Variants in SDHB observed in about 807,000 individuals in gnomAD.
The protein encoded by SDHB is succinate dehydrogenase [ubiquinone] iron-sulfur subunit, mitochondrial.
In SDHB, 21 loss-of-function variants were observed where a neutral mutation model predicts 39.7. The ratio of observed to expected loss-of-function variants is 0.53; its 90% CI spans 0.37 to 0.76. The LOEUF (loss-of-function observed/expected upper bound fraction) is 0.76, where lower values mean the gene tolerates loss of function less well. Among genes scored for constraint, SDHB ranks in the 30% least tolerant of loss-of-function variants. The pLI is 0.00. For synonymous variants in SDHB, 118 were observed against 117.0 expected, an observed-to-expected ratio of 1.01 and a Z score of -0.06; for missense variants, 343 against 350.9, an observed-to-expected ratio of 0.98 and a Z score of 0.18.
At chr1:17,044,050 G>T (rs1431599041) in intron 2 of SDHB, among the ~76,000 whole-genome samples, 3 of 149,048 alleles carry the variant, frequency 2.0e-5, no homozygotes, top group Non-Finnish European at 4.5e-5. Flanking sequence ...GACAGAAATA[G>T]AAAACTAACA....
At chr1:17,025,184 T>C (rs1228652056) in intron 5 of SDHB, among the ~76,000 whole-genome samples, 1 of 152,220 alleles carries the variant, frequency 6.6e-6, no homozygotes, top group Non-Finnish European at 1.5e-5. Flanking sequence ...TTATGGCGCA[T>C]GGTGCATACA....
chr1:17,032,308 C>T (rs1446222271), intron 3 of SDHB, among the ~76,000 whole-genome samples: 3 of 151,456 alleles, frequency 2.0e-5, no homozygotes, highest in Non-Finnish European at 2.9e-5. Context: ...CTGCCTCAGC[C>T]TCCCGAGTAG....
chr1:17,019,658 A>G (rs559109588), intron 7 of SDHB, among the ~76,000 whole-genome samples: 2 of 152,160 alleles, frequency 1.3e-5, no homozygotes, highest in Non-Finnish European at 2.9e-5. Flanking sequence ...TTTTAGAAGG[A>G]TAAGTCTACC....
intron 1 of SDHB, among the ~76,000 whole-genome samples, chr1:17,051,690 A>T: frequency 8.8e-6 from 1 of 113,068 alleles, no homozygotes. Flanking sequence ...TCATAAGATA[A>T]CCCGGGGGAG....
At chr1:17,045,020 G>A (rs932088397) in intron 1 of SDHB, 132 bp from the exon 2 acceptor site, 10 of 817,384 alleles carry the variant, frequency 1.2e-5, no homozygotes, top group Non-Finnish European at 2.0e-5. Context: ...CTTAGAAAAG[G>A]CAGGCATTCA....
chr1:17,023,910 T>C, intron 6 of SDHB, 63 bp downstream of exon 6: 1 of 1,258,748 alleles, frequency 7.9e-7, no homozygotes, highest in Non-Finnish European at 1.2e-6. Context: ...CAATCTATTG[T>C]CCTCTTGGAC....
At chr1:17,023,828 T>C (rs1167003462) in intron 6 of SDHB, 145 bp downstream of exon 6, 34 of 706,320 alleles carry the variant, frequency 4.8e-5, no homozygotes, top group Non-Finnish European at 8.4e-5. Context: ...GTGAATACAA[T>C]GCAACCAATT....
At chr1:17,041,237 C>T (rs765519748) in intron 2 of SDHB, among the ~76,000 whole-genome samples, 9 of 152,162 alleles carry the variant, frequency 5.9e-5, no homozygotes, top group South Asian at 2.1e-4. Flanking sequence ...TAAGGCCATC[C>T]GGTAAATTTT....
intron 7 of SDHB, among the ~76,000 whole-genome samples, chr1:17,021,399 G>A (rs996625937): frequency 3.3e-5 from 5 of 152,096 alleles, no homozygotes; most frequent in East Asian, 3.9e-4. Flanking sequence ...CTATGATTGC[G>A]CCACTGCACC....
At chr1:17,023,323 G>C (rs2077973336) in intron 6 of SDHB, among the ~76,000 whole-genome samples, 1 of 152,182 alleles carries the variant, frequency 6.6e-6, no homozygotes, top group Non-Finnish European at 1.5e-5. Flanking sequence ...AAGTATGAGT[G>C]TACTTCATTA....
intron 2 of SDHB, among the ~76,000 whole-genome samples, chr1:17,037,420 C>T (rs1195970579): frequency 6.6e-6 from 1 of 150,630 alleles, no homozygotes; most frequent in African/African-American, 2.4e-5. Context: ...TCCCACCCCA[C>T]CCTCCCAAGT....
At chr1:17,037,418 C>T (rs943647203) in intron 2 of SDHB, among the ~76,000 whole-genome samples, 3 of 151,692 alleles carry the variant, frequency 2.0e-5, no homozygotes, top group Non-Finnish European at 4.4e-5. Context: ...CCTCCCACCC[C>T]ACCCTCCCAA....
At chr1:17,042,375 T>C (rs1045288501) in intron 2 of SDHB, among the ~76,000 whole-genome samples, 5 of 152,170 alleles carry the variant, frequency 3.3e-5, no homozygotes, top group Non-Finnish European at 7.4e-5. Flanking sequence ...GTTTCTTATA[T>C]TTTTTTCCGG....
intron 7 of SDHB, among the ~76,000 whole-genome samples, 198 bp downstream of exon 7, chr1:17,022,410 G>A (rs1343795681): frequency 1.3e-5 from 2 of 152,170 alleles, no homozygotes; most frequent in East Asian, 1.9e-4. Flanking sequence ...CTGCTCCTGA[G>A]GTGGCCCGAG....
rs146281309 is a variant in SDHB at position 17,029,196 on chromosome 1, C to T, written c.287-460G>A. Among the ~76,000 whole-genome samples, 96 of 144,398 alleles carry T rather than the reference C, an allele frequency of 6.6e-4. 1 individual carries two copies. In the East Asian group the frequency reaches 0.018, roughly 27 times the overall value. 94.7% of individuals were successfully genotyped at this position (144,398 alleles called of 152,430 possible). On this transcript the variant is annotated intron_variant, in intron 3 of 7. Coordinates refer to ENST00000375499, the MANE Select transcript of SDHB (RefSeq NM_003000.3). ...TCACAGCTCACTGCAGTCCTCAATGCCTGAGCTCAAGTGATCCTCCCACCT... is the reference window on the plus strand; with the variant it reads ...TCACAGCTCACTGCAGTCCTCAATGTCTGAGCTCAAGTGATCCTCCCACCT...
At chr1:17,050,073 C>G (rs973120777) in intron 1 of SDHB, among the ~76,000 whole-genome samples, 1 of 152,128 alleles carries the variant, frequency 6.6e-6, no homozygotes, top group Non-Finnish European at 1.5e-5. Flanking sequence ...TGAGGTTTTC[C>G]CTTCAACATT....
Position 17,025,397 on chromosome 1 carries a change from G to A in SDHB, c.541-1323C>T, listed in dbSNP as rs141822905. Among the ~76,000 whole-genome samples the A allele has an allele frequency of 2.7e-3, 387 of 144,342 alleles. 1 individual carries two copies. The highest frequency in any genetic ancestry group is 9.5e-3 in the African/African-American group (377 of 39,646). 94.7% of individuals were successfully genotyped at this position (144,342 alleles called of 152,430 possible). A position where few individuals can be genotyped will look rare whatever the true frequency, so the allele number is the denominator to read the frequency against. On this transcript the variant is annotated intron_variant, in intron 5 of 7. Transcript: ENST00000375499. ...TTAACAGAGATTATGTTTTGGTGGT[G>A]GAATTATAAATTCTTTTTTTTTTTT... is the stretch of plus-strand genomic sequence containing the variant.
intron 2 of SDHB, among the ~76,000 whole-genome samples, chr1:17,036,009 G>A (rs2078048709): frequency 6.6e-6 from 1 of 152,026 alleles, no homozygotes. Flanking sequence ...TAATAGGTAG[G>A]GCTCATTAAA....
intron 2 of SDHB, among the ~76,000 whole-genome samples, chr1:17,039,856 ATTAATT>A (rs2078071187): frequency 2.0e-5 from 3 of 152,186 alleles, no homozygotes; most frequent in African/African-American, 7.2e-5. Context: ...AAACAGTCAT[ATTAATT>A]TTAACAAAAT....
Sources: gnomAD v4.1 joint callset for allele counts (sites outside exome capture counted in the v4.1 genomes callset) on GRCh38, gnomAD v4.1.1 for gene constraint, MANE v1.5 for transcripts, NCBI Gene and HGNC (gene_info 2026-07-23, HGNC 2026-07-21) for gene names.